CDK14: variants seen among roughly 807,000 people sequenced by gnomAD.
The protein encoded by CDK14 is cyclin-dependent kinase 14.
In CDK14, 34 loss-of-function variants were observed where a neutral mutation model predicts 60.7. The observed-to-expected ratio is 0.56, with a 90% CI of 0.43 to 0.75. The LOEUF (loss-of-function observed/expected upper bound fraction) is 0.75. CDK14 is among the 30% of genes least tolerant of loss of function. The pLI is 0.00. For missense variants in CDK14, 482 were observed against 564.1 expected (o/e 0.85, Z 1.47); for synonymous variants, 197 against 203.7 (o/e 0.97, Z 0.28).
chr7:90,623,024 C>T (rs1799806250), intron 2 of CDK14, among the ~76,000 whole-genome samples: 1 of 148,980 alleles, frequency 6.7e-6, no homozygotes, highest in African/African-American at 2.5e-5. Context: ...TTCATAGTTT[C>T]CATTATTAAT....
At chr7:90,762,677 T>C (rs565634829) in intron 4 of CDK14, among the ~76,000 whole-genome samples, 1 of 152,244 alleles carries the variant, frequency 6.6e-6, no homozygotes, top group African/African-American at 2.4e-5. Flanking sequence ...ATATGCCATG[T>C]TAACGCAAAT....
intron 5 of CDK14, among the ~76,000 whole-genome samples, chr7:90,815,575 C>G (rs199665331): frequency 4.0e-5 from 2 of 50,176 alleles, no homozygotes; most frequent in Non-Finnish European, 7.6e-5. Context: ...GGGTATATAC[C>G]CAAAGGATTA....
chr7:90,833,920 T>C (rs550207915), intron 5 of CDK14, among the ~76,000 whole-genome samples: 1 of 152,210 alleles, frequency 6.6e-6, no homozygotes, highest in African/African-American at 2.4e-5. Flanking sequence ...CCTGTAAGAA[T>C]GTAAACTTTG....
chr7:90,855,383 T>G (rs1790787609), intron 5 of CDK14, among the ~76,000 whole-genome samples: 1 of 152,214 alleles, frequency 6.6e-6, no homozygotes, highest in Admixed American at 6.5e-5. Flanking sequence ...TGCTTTTTAT[T>G]TAATAGTGTT....
chr7:90,656,500 C>T (rs188765489), intron 2 of CDK14, among the ~76,000 whole-genome samples: 1 of 152,142 alleles, frequency 6.6e-6, no homozygotes, highest in African/African-American at 2.4e-5. Flanking sequence ...CTGCCTCAGC[C>T]TCCTGAGTAG....
intron 12 of CDK14, among the ~76,000 whole-genome samples, chr7:91,105,234 C>T (rs916304997): frequency 2.0e-5 from 3 of 152,214 alleles, no homozygotes; most frequent in African/African-American, 7.2e-5. Flanking sequence ...CATGAAACCA[C>T]TTGGGGATCA....
At chr7:90,855,641 G>T (rs1238150608) in intron 5 of CDK14, among the ~76,000 whole-genome samples, 1 of 152,030 alleles carries the variant, frequency 6.6e-6, no homozygotes. Context: ...TATTAATGTT[G>T]GTAAAAATAA....
At chr7:91,127,895 A>G (rs1412844369) in intron 14 of CDK14, among the ~76,000 whole-genome samples, 2 of 152,198 alleles carry the variant, frequency 1.3e-5, no homozygotes, top group Admixed American at 6.5e-5. Flanking sequence ...CTAAACTCCA[A>G]ATTAAAGGCT....
chr7:91,175,506 A>T (rs1265039796), intron 14 of CDK14, among the ~76,000 whole-genome samples: 1 of 152,222 alleles, frequency 6.6e-6, no homozygotes, highest in Admixed American at 6.5e-5. Context: ...TGAAAGACAC[A>T]GACTGGCAAA....
intron 5 of CDK14, among the ~76,000 whole-genome samples, chr7:90,803,182 A>G (rs1788706361): frequency 6.6e-6 from 1 of 151,960 alleles, no homozygotes; most frequent in Non-Finnish European, 1.5e-5. Context: ...GTTTCTACAG[A>G]AAAGGATTAT....
At chr7:91,077,722 T>C (rs1018336665) in intron 11 of CDK14, among the ~76,000 whole-genome samples, 18 of 140,648 alleles carry the variant, frequency 1.3e-4, no homozygotes, top group Admixed American at 2.3e-4. Context: ...TGGAAAAAAG[T>C]GTATACTTAT....
chr7:90,638,884 T>C (rs1454149501), intron 2 of CDK14, among the ~76,000 whole-genome samples: 1 of 151,614 alleles, frequency 6.6e-6, no homozygotes, highest in African/African-American at 2.4e-5. Flanking sequence ...ATTCATTTCA[T>C]CTTCCATCAC....
intron 5 of CDK14, among the ~76,000 whole-genome samples, chr7:90,807,974 C>T (rs1429272667): frequency 2.6e-5 from 4 of 152,044 alleles, no homozygotes; most frequent in African/African-American, 7.2e-5. Flanking sequence ...GTGAAAAGAC[C>T]AAATCTACGT....
intron 4 of CDK14, among the ~76,000 whole-genome samples, chr7:90,784,787 T>G (rs947466836): frequency 6.6e-6 from 1 of 152,206 alleles, no homozygotes; most frequent in African/African-American, 2.4e-5. Context: ...GAATCAGAAT[T>G]GAATTTAGAT....
At chr7:91,060,976 A>G (rs1053093050) in intron 11 of CDK14, among the ~76,000 whole-genome samples, 38 of 152,158 alleles carry the variant, frequency 2.5e-4, no homozygotes, top group African/African-American at 8.9e-4. Flanking sequence ...GTTCTCCTGG[A>G]TAATATCCTG....
intron 5 of CDK14, among the ~76,000 whole-genome samples, chr7:90,821,386 A>T (rs192356154): frequency 9.5e-4 from 145 of 152,328 alleles, no homozygotes; most frequent in Admixed American, 5.9e-3. Context: ...CCAGGCCATT[A>T]TGCCCGACCA....
chr7:91,182,158 C>T (rs1420136166), intron 14 of CDK14, among the ~76,000 whole-genome samples: 1 of 152,102 alleles, frequency 6.6e-6, no homozygotes, highest in Non-Finnish European at 1.5e-5. Context: ...ACACTGCACA[C>T]ACACTAGCCT....
At chr7:90,914,683 A>G (rs906166155) in intron 7 of CDK14, among the ~76,000 whole-genome samples, 10 of 152,138 alleles carry the variant, frequency 6.6e-5, no homozygotes, top group Non-Finnish European at 1.5e-5. Context: ...CTCCTTTAAT[A>G]TGGCATCCTA....
chr7:90,611,427 C>T (rs1184879660), intron 2 of CDK14, among the ~76,000 whole-genome samples: 1 of 152,212 alleles, frequency 6.6e-6, no homozygotes, highest in African/African-American at 2.4e-5. Flanking sequence ...TGTATTTCCC[C>T]AAGCATGCAT....
Sources: allele counts gnomAD v4.1 joint callset (sites outside exome capture counted in the v4.1 genomes callset), GRCh38; gene constraint gnomAD v4.1.1; transcripts MANE v1.5; gene names NCBI Gene and HGNC (gene_info 2026-07-23, HGNC 2026-07-21).